The following TNRC6C variants were observed in gnomAD, a reference collection of about 807,000 sequenced individuals.
The protein encoded by TNRC6C is trinucleotide repeat containing adaptor 6C, also known as trinucleotide repeat-containing gene 6C protein.
TNRC6C carries 20 observed loss-of-function variants against 153.7 expected under a neutral mutation model. The observed-to-expected ratio is 0.13, with a 90% CI of 0.09 to 0.19. The LOEUF (loss-of-function observed/expected upper bound fraction) is 0.19, where lower values mean the gene tolerates loss of function less well. TNRC6C is among the 10% of genes least tolerant of loss of function. TNRC6C has a pLI of 1.00. For synonymous variants in TNRC6C, 811 were observed against 841.4 expected, an observed-to-expected ratio of 0.96 and a Z score of 0.63; for missense variants, 1,987 against 2,172.0, an observed-to-expected ratio of 0.91 and a Z score of 1.69.
chr17:78,082,611 G>A (rs1367689488), intron 10 of TNRC6C, among the ~76,000 whole-genome samples: 2 of 152,224 alleles, frequency 1.3e-5, no homozygotes, highest in Non-Finnish European at 2.9e-5. Context: ...TAGAAGAGCT[G>A]TGGCAAGATA....
chr17:78,003,324 T>G (rs1256781321), upstream of TNRC6C, among the ~76,000 whole-genome samples: 3 of 152,206 alleles, frequency 2.0e-5, no homozygotes, highest in Non-Finnish European at 4.4e-5. Flanking sequence ...TCAGAGAGTA[T>G]CTAAGGGAAG....
At chr17:78,067,645 G>T in intron 4 of TNRC6C, 112 bp from the exon 7 acceptor site, 1 of 1,161,772 alleles carries the variant, frequency 8.6e-7, no homozygotes, top group South Asian at 1.8e-5. Flanking sequence ...GCATAAAAAG[G>T]TAGATTACAA....
intron 1 of TNRC6C, chr17:78,011,878 T>C (rs147576177): frequency 6.6e-6 from 1 of 152,388 alleles, no homozygotes; most frequent in East Asian, 1.9e-4. Context: ...TCATTACACT[T>C]TTAATTGGCA....
chr17:78,027,688 A>G (rs552958887), intron 1 of TNRC6C, among the ~76,000 whole-genome samples: 5 of 152,276 alleles, frequency 3.3e-5, no homozygotes, highest in Non-Finnish European at 7.4e-5. Context: ...ATTGTGAGAC[A>G]TATCGGTATT....
intron 7 of TNRC6C, among the ~76,000 whole-genome samples, chr17:78,073,881 A>T (rs1300326714): frequency 6.6e-6 from 1 of 152,122 alleles, no homozygotes; most frequent in Non-Finnish European, 1.5e-5. Flanking sequence ...CGTCCACCAC[A>T]CTTCCTAGTC....
intron 1 of TNRC6C, among the ~76,000 whole-genome samples, chr17:77,960,140 C>T (rs1298201779): frequency 1.3e-5 from 2 of 152,154 alleles, no homozygotes; most frequent in East Asian, 1.9e-4. Flanking sequence ...TGATTCTGCA[C>T]GTAATTAGTG....
chr17:78,032,178 T>C (rs1416782943), intron 2 of TNRC6C, among the ~76,000 whole-genome samples: 1 of 152,204 alleles, frequency 6.6e-6, no homozygotes, highest in Non-Finnish European at 1.5e-5. Flanking sequence ...AACCCTTTTC[T>C]CTCAATTTCC....
chr17:77,975,446 G>A (rs1241418708), intron 1 of TNRC6C, among the ~76,000 whole-genome samples: 7 of 152,290 alleles, frequency 4.6e-5, no homozygotes, highest in Middle Eastern at 6.8e-3. Flanking sequence ...AAGCCAAATT[G>A]TTAAAACTGG....
chr17:77,977,299 C>G (rs969754584), intron 1 of TNRC6C, among the ~76,000 whole-genome samples: 2 of 152,068 alleles, frequency 1.3e-5, no homozygotes, highest in Non-Finnish European at 2.9e-5. Flanking sequence ...GTATTGACTT[C>G]TGCTGGTATA....
intron 1 of TNRC6C, among the ~76,000 whole-genome samples, chr17:78,029,788 T>G (rs1272884056): frequency 6.8e-6 from 1 of 147,290 alleles, no homozygotes; most frequent in Admixed American, 6.8e-5. Context: ...TTTTTAACTT[T>G]TAAACTTATT....
intron 3 of TNRC6C, among the ~76,000 whole-genome samples, chr17:78,054,245 GGTGA>G (rs758073918): frequency 7.2e-5 from 11 of 152,138 alleles, no homozygotes; most frequent in Non-Finnish European, 1.6e-4. Flanking sequence ...AGTGGCTGTG[GGTGA>G]GTCAGTGAGT....
upstream of TNRC6C, among the ~76,000 whole-genome samples, chr17:78,000,822 A>C (rs568847531): frequency 1.5e-4 from 23 of 152,248 alleles, no homozygotes; most frequent in South Asian, 4.2e-3. Context: ...TTCTTTTACA[A>C]ATATAGGAAG....
chr17:77,960,704 A>G (rs2144019463), intron 1 of TNRC6C, among the ~76,000 whole-genome samples: 2 of 152,334 alleles, frequency 1.3e-5, no homozygotes, highest in Admixed American at 1.3e-4. Flanking sequence ...GAAGAAATTT[A>G]CATTGTTCCA....
chr17:78,031,272 T>C (rs1241321467), intron 1 of TNRC6C, among the ~76,000 whole-genome samples: 1 of 152,102 alleles, frequency 6.6e-6, no homozygotes, highest in South Asian at 2.1e-4. Context: ...TCTTAATGTA[T>C]CACCTTGATT....
upstream of TNRC6C, among the ~76,000 whole-genome samples, chr17:78,003,343 A>G (rs1447328908): frequency 6.6e-6 from 1 of 152,238 alleles, no homozygotes; most frequent in Non-Finnish European, 1.5e-5. Flanking sequence ...AGAGGCATCC[A>G]GAGAAGGAAA....
intron 3 of TNRC6C, among the ~76,000 whole-genome samples, chr17:78,060,110 A>G (rs530449759): frequency 2.6e-5 from 4 of 152,268 alleles, no homozygotes; most frequent in African/African-American, 4.8e-5. Flanking sequence ...GAGTCCCCTG[A>G]CTTTGGAATG....
intron 16 of TNRC6C, among the ~76,000 whole-genome samples, chr17:78,094,901 G>A (rs952166133): frequency 1.3e-5 from 2 of 152,178 alleles, no homozygotes; most frequent in African/African-American, 2.4e-5. Flanking sequence ...GGGATGTTAC[G>A]GGTGTCCCTG....
At position 78,049,579 on chromosome 17, in the gene TNRC6C, A is replaced by C; in HGVS notation, c.517A>C (p.Ser173Arg). The change falls in exon 3 of 20, where the codon AGC becomes CGC. Residue 173 changes from serine (S) to arginine (R), a missense_variant. This residue lies in a region of TNRC6C where 1,052 missense variants were observed against 1,017.0 expected (regional missense o/e 1.03). Transcript: ENST00000301624. This position sits in a 1 kb window ranked among gnomAD's most constrained non-coding sequence, Gnocchi z 4.1. ...GTCCACTTCTCAGAATGTGTCTTTC[A>C]GCGCACAACCTCAGAACCTTAACAC... is the stretch of plus-strand genomic sequence containing the variant. 1 of 1,614,006 alleles carries C rather than the reference A, an allele frequency of 6.2e-7. No individual in the cohort carries two copies. Among genetic ancestry groups the C allele is most frequent in the Non-Finnish European group, 8.5e-7 (1 of 1,179,908 alleles).
intron 1 of TNRC6C, among the ~76,000 whole-genome samples, chr17:77,982,813 G>C (rs555881029): frequency 6.6e-6 from 1 of 152,018 alleles, no homozygotes. Flanking sequence ...CCTGGGTGAC[G>C]GAGCAAGATT....
Sources: allele counts gnomAD v4.1 joint callset (sites outside exome capture counted in the v4.1 genomes callset), GRCh38; gene constraint gnomAD v4.1.1; regional missense constraint gnomAD v4.1.1; non-coding constraint Gnocchi (gnomAD v3.1); transcripts MANE v1.5; gene names NCBI Gene and HGNC (gene_info 2026-07-23, HGNC 2026-07-21).